Variants in PRKG1 observed in about 807,000 individuals in gnomAD.
PRKG1 encodes the protein cGMP-dependent protein kinase 1.
In PRKG1, 35 loss-of-function variants were observed where a neutral mutation model predicts 88.1. That is an observed-to-expected ratio of 0.40 (90% CI 0.30 to 0.53). PRKG1 has a LOEUF of 0.53. PRKG1 is among the 20% of genes least tolerant of loss of function. The pLI, the probability that PRKG1 is intolerant of heterozygous loss-of-function variation, is 0.59. For missense variants in PRKG1, 540 were observed against 839.8 expected, an observed-to-expected ratio of 0.64 and a Z score of 4.41; for synonymous variants, 303 against 292.5, an observed-to-expected ratio of 1.04 and a Z score of -0.37.
At chr10:51,535,748 G>A (rs1425851399) in intron 3 of PRKG1, among the ~76,000 whole-genome samples, 2 of 146,728 alleles carry the variant, frequency 1.4e-5, no homozygotes, top group Non-Finnish European at 1.5e-5. Context: ...TTTTTTAAAC[G>A]GAGTCTCACG....
In PRKG1 at chr10:51,449,145, C is replaced by A. The variant is rs148501431; in HGVS notation, c.479-18578C>A. On this transcript the variant is annotated intron_variant, in intron 2 of 17. Coordinates refer to ENST00000373980, the MANE Select transcript of PRKG1 (RefSeq NM_006258.4). ...ACTTGTTTTAGTTTTTTCACCTACCCAAAACCTGCTCATTTTAGCAAATGG... is the reference window on the plus strand; with the variant it reads ...ACTTGTTTTAGTTTTTTCACCTACCAAAAACCTGCTCATTTTAGCAAATGG... Among the ~76,000 whole-genome samples, 1,186 of 151,988 alleles carry A rather than the reference C, an allele frequency of 7.8e-3. 33 individuals carry two copies. The highest frequency in any genetic ancestry group is 0.039 in the Admixed American group (593 of 15,224).
chr10:52,057,384 A>G (rs1589565306), intron 6 of PRKG1, among the ~76,000 whole-genome samples: 1 of 152,220 alleles, frequency 6.6e-6, no homozygotes, highest in South Asian at 2.1e-4. Context: ...TGCTGCCTTA[A>G]GTAGAAGCTC....
chr10:51,472,982 C>G (rs1054603627), intron 3 of PRKG1, among the ~76,000 whole-genome samples: 1 of 151,880 alleles, frequency 6.6e-6, no homozygotes, highest in African/African-American at 2.4e-5. Flanking sequence ...AAACATGACC[C>G]TGGTTGTGGA....
intron 7 of PRKG1, among the ~76,000 whole-genome samples, chr10:52,079,904 C>T (rs553662381): frequency 6.6e-6 from 1 of 152,192 alleles, no homozygotes; most frequent in South Asian, 2.1e-4. Flanking sequence ...GCTGTAGGCC[C>T]CATACATGCT....
chr10:51,198,752 C>T (rs765205517), intron 2 of PRKG1, among the ~76,000 whole-genome samples: 3 of 152,098 alleles, frequency 2.0e-5, no homozygotes, highest in South Asian at 2.1e-4. Context: ...CAAGACTATC[C>T]GGGTAGAAAG....
At chr10:51,331,450 A>G (rs967744567) in intron 2 of PRKG1, among the ~76,000 whole-genome samples, 3 of 152,120 alleles carry the variant, frequency 2.0e-5, no homozygotes, top group East Asian at 3.9e-4. Flanking sequence ...GTTTCTGTCC[A>G]GCTGGGTTTT....
At chr10:52,255,374 C>G (rs908349760) in intron 10 of PRKG1, among the ~76,000 whole-genome samples, 2 of 151,978 alleles carry the variant, frequency 1.3e-5, no homozygotes, top group Non-Finnish European at 2.9e-5. Flanking sequence ...TTGTATGACT[C>G]AAAGACAAAC....
At chr10:51,990,381 T>G (rs556632170) in intron 5 of PRKG1, among the ~76,000 whole-genome samples, 11 of 152,124 alleles carry the variant, frequency 7.2e-5, no homozygotes, top group Non-Finnish European at 1.3e-4. Flanking sequence ...CCATTGATAT[T>G]GTGATAAGGA....
At chr10:51,152,112 T>G (rs1846087821) in intron 1 of PRKG1, among the ~76,000 whole-genome samples, 1 of 152,110 alleles carries the variant, frequency 6.6e-6, no homozygotes. Context: ...ATAAAATATT[T>G]CTTAATATTT....
intron 5 of PRKG1, among the ~76,000 whole-genome samples, chr10:51,915,352 G>A (rs1181527534): frequency 6.6e-6 from 1 of 152,138 alleles, no homozygotes; most frequent in Non-Finnish European, 1.5e-5. Flanking sequence ...CTTCCTTCAG[G>A]TTGGCTCTTG....
At chr10:52,023,248 T>C (rs562549980) in intron 5 of PRKG1, among the ~76,000 whole-genome samples, 3 of 152,330 alleles carry the variant, frequency 2.0e-5, no homozygotes, top group African/African-American at 7.2e-5. Context: ...CATGAACTCA[T>C]CCTTTTTTAT....
chr10:51,686,629 A>G (rs1171275979), intron 3 of PRKG1, among the ~76,000 whole-genome samples: 1 of 152,214 alleles, frequency 6.6e-6, no homozygotes, highest in East Asian at 1.9e-4. Flanking sequence ...AGTTAAGCAC[A>G]TTTGTTTCCC....
intron 3 of PRKG1, among the ~76,000 whole-genome samples, chr10:51,683,039 C>T (rs1840890023): frequency 6.6e-6 from 1 of 152,208 alleles, no homozygotes; most frequent in Admixed American, 6.5e-5. Flanking sequence ...TATCCATTTA[C>T]TTACCAGAGA....
At chr10:51,709,149 G>A (rs1841680840) in intron 3 of PRKG1, among the ~76,000 whole-genome samples, 1 of 152,262 alleles carries the variant, frequency 6.6e-6, no homozygotes, top group South Asian at 2.1e-4. Flanking sequence ...ATGTTTAAAT[G>A]TGGACTTCCA....
At chr10:52,011,455 T>A (rs1844876318) in intron 5 of PRKG1, among the ~76,000 whole-genome samples, 1 of 152,160 alleles carries the variant, frequency 6.6e-6, no homozygotes, top group Non-Finnish European at 1.5e-5. Context: ...GCAAAATAAC[T>A]TCCTTTCTCC....
chr10:51,240,106 C>G (rs1839111943), intron 2 of PRKG1, among the ~76,000 whole-genome samples: 1 of 152,168 alleles, frequency 6.6e-6, no homozygotes, highest in African/African-American at 2.4e-5. Context: ...ATTAAAGACT[C>G]TACCTTGCCA....
chr10:51,300,258 C>T (rs1840847277), intron 2 of PRKG1, among the ~76,000 whole-genome samples: 1 of 152,184 alleles, frequency 6.6e-6, no homozygotes, highest in South Asian at 2.1e-4. Context: ...AGAGCAGCTG[C>T]TCTCCATGCA....
At chr10:52,158,978 A>G (rs1838202908) in intron 8 of PRKG1, among the ~76,000 whole-genome samples, 1 of 151,650 alleles carries the variant, frequency 6.6e-6, no homozygotes, top group African/African-American at 2.4e-5. Context: ...AATAAAAGTA[A>G]ATACTTATGC....
intron 4 of PRKG1, among the ~76,000 whole-genome samples, chr10:51,881,713 T>A (rs887004110): frequency 2.6e-5 from 4 of 152,190 alleles, no homozygotes. Flanking sequence ...AAGGAAAAGA[T>A]TTGTTTTGAG....
Sources: gnomAD v4.1 joint callset for allele counts (sites outside exome capture counted in the v4.1 genomes callset) on GRCh38, gnomAD v4.1.1 for gene constraint, MANE v1.5 for transcripts, NCBI Gene and HGNC (gene_info 2026-07-23, HGNC 2026-07-21) for gene names.